Variants in STMN2 observed in about 807,000 individuals in gnomAD.
STMN2 encodes the protein stathmin 2, also known as stathmin-2.
A neutral mutation model predicts 24.1 loss-of-function variants in STMN2; 2 were observed. The observed-to-expected ratio is 0.08, with a 90% CI of 0.03 to 0.26. The LOEUF is 0.26. STMN2 is among the 10% of genes least tolerant of loss of function. The pLI is 1.00. For missense variants in STMN2, 114 were observed against 213.6 expected (o/e 0.53, Z 2.91); for synonymous variants, 83 against 77.5 (o/e 1.07, Z -0.37).
chr8:79,660,121 T>C (rs1374635655), intron 4 of STMN2, among the ~76,000 whole-genome samples: 1 of 152,162 alleles, frequency 6.6e-6, no homozygotes, highest in Non-Finnish European at 1.5e-5. Flanking sequence ...TATGTGGCAA[T>C]ATTAGGGAAG....
chr8:79,628,781 T>A (rs966410118), intron 1 of STMN2, among the ~76,000 whole-genome samples: 1 of 151,890 alleles, frequency 6.6e-6, no homozygotes, highest in Non-Finnish European at 1.5e-5. Context: ...GGGAAAAAAA[T>A]AGAAAAAATG....
At chr8:79,643,802 T>G (rs973364154) in intron 3 of STMN2, among the ~76,000 whole-genome samples, 1 of 152,028 alleles carries the variant, frequency 6.6e-6, no homozygotes, top group Non-Finnish European at 1.5e-5. Flanking sequence ...CATTTACAAA[T>G]GTAATCATCC....
intron 1 of STMN2, among the ~76,000 whole-genome samples, chr8:79,616,016 T>G (rs997630039): frequency 6.6e-6 from 1 of 152,224 alleles, no homozygotes; most frequent in African/African-American, 2.4e-5. Context: ...AAAATCATTG[T>G]TTACTTCTTC....
chr8:79,628,891 A>C (rs1809731116), intron 1 of STMN2, among the ~76,000 whole-genome samples: 1 of 152,216 alleles, frequency 6.6e-6, no homozygotes, highest in Admixed American at 6.5e-5. Context: ...TAGGAGGATT[A>C]CTTACTTACT....
intron 1 of STMN2, among the ~76,000 whole-genome samples, chr8:79,613,166 C>T (rs1239534775): frequency 6.6e-6 from 1 of 152,140 alleles, no homozygotes; most frequent in Non-Finnish European, 1.5e-5. Flanking sequence ...GCCCCCCGCC[C>T]ACCCTCTGTT....
At chr8:79,646,977 C>T (rs1185449149) in intron 3 of STMN2, among the ~76,000 whole-genome samples, 1 of 151,900 alleles carries the variant, frequency 6.6e-6, no homozygotes. Flanking sequence ...TGGAGAGTAG[C>T]GAGGTGGGAT....
At chr8:79,633,606 C>T (rs185272506) in intron 1 of STMN2, among the ~76,000 whole-genome samples, 1 of 152,336 alleles carries the variant, frequency 6.6e-6, no homozygotes, top group African/African-American at 2.4e-5. Context: ...CTGCCAACTT[C>T]TAGCTGCATT....
At chr8:79,653,026 T>C (rs892692924) in intron 3 of STMN2, among the ~76,000 whole-genome samples, 3 of 152,164 alleles carry the variant, frequency 2.0e-5, no homozygotes, top group Admixed American at 1.3e-4. Flanking sequence ...TCTTATTATT[T>C]TTGTATTGGT....
intron 3 of STMN2, 125 bp downstream of exon 3, chr8:79,641,675 C>CAG (rs1407770364): frequency 4.0e-6 from 3 of 747,494 alleles, no homozygotes; most frequent in Non-Finnish European, 6.0e-6. Context: ...CACACACATA[C>CAG]AGAGAGCAAT....
At chr8:79,627,905 G>T (rs530384019) in intron 1 of STMN2, among the ~76,000 whole-genome samples, 1 of 152,152 alleles carries the variant, frequency 6.6e-6, no homozygotes, top group South Asian at 2.1e-4. Flanking sequence ...TGTCCTTCAG[G>T]CTTATCCATG....
chr8:79,663,161 T>G (rs1274493414), intron 4 of STMN2, among the ~76,000 whole-genome samples: 1 of 152,174 alleles, frequency 6.6e-6, no homozygotes, highest in African/African-American at 2.4e-5. Context: ...TTGAAGGAAG[T>G]ATAGGGTGGT....
chr8:79,617,075 A>T (rs1458651909), intron 1 of STMN2, among the ~76,000 whole-genome samples: 1 of 152,248 alleles, frequency 6.6e-6, no homozygotes, highest in Non-Finnish European at 1.5e-5. Flanking sequence ...ATTATTTACC[A>T]AATTATTCTA....
chr8:79,637,028 T>C (rs2130349444), intron 2 of STMN2, 131 bp downstream of exon 2: 1 of 809,410 alleles, frequency 1.2e-6, no homozygotes, highest in African/African-American at 1.7e-5. Context: ...TTGCCGTGTC[T>C]AGCTATTATG....
intron 4 of STMN2, among the ~76,000 whole-genome samples, chr8:79,656,517 G>C (rs1430851076): frequency 1.3e-5 from 2 of 152,180 alleles, no homozygotes; most frequent in African/African-American, 4.8e-5. Context: ...TCAGATACAG[G>C]GGAGCAAAGT....
At chr8:79,622,866 T>TAC (rs1355109859) in intron 1 of STMN2, among the ~76,000 whole-genome samples, 1 of 152,014 alleles carries the variant, frequency 6.6e-6, no homozygotes, top group Non-Finnish European at 1.5e-5. Context: ...CACGCATGCA[T>TAC]ACACACACAC....
chr8:79,645,743 T>C (rs1226329778), intron 3 of STMN2, among the ~76,000 whole-genome samples: 2 of 152,022 alleles, frequency 1.3e-5, no homozygotes, highest in Non-Finnish European at 2.9e-5. Flanking sequence ...CCTACTCTGT[T>C]TCTATTTCAG....
At chr8:79,653,804 A>T (rs552751743) in intron 3 of STMN2, among the ~76,000 whole-genome samples, 41 of 152,234 alleles carry the variant, frequency 2.7e-4, no homozygotes, top group African/African-American at 9.6e-4. Flanking sequence ...GATCCTGAGA[A>T]ATTATCCAGA....
intron 2 of STMN2, among the ~76,000 whole-genome samples, chr8:79,640,202 A>G (rs1371690092): frequency 6.6e-6 from 1 of 152,148 alleles, no homozygotes; most frequent in Non-Finnish European, 1.5e-5. Context: ...CCGTCTCAAT[A>G]ATAAGTCTCT....
intron 4 of STMN2, 108 bp from the exon 5 acceptor site, chr8:79,664,707 T>C (rs34059899): frequency 0.41 from 398,078 of 982,092 alleles, 89,202 homozygotes; most frequent in Non-Finnish European, 0.46. Context: ...ATGGGAAAAA[T>C]TCATAAAAGT....
Sources: gnomAD v4.1 joint callset for allele counts (sites outside exome capture counted in the v4.1 genomes callset) on GRCh38, gnomAD v4.1.1 for gene constraint, MANE v1.5 for transcripts, NCBI Gene and HGNC (gene_info 2026-07-23, HGNC 2026-07-21) for gene names.